Variants in ZBTB20 observed in about 807,000 individuals in gnomAD.
ZBTB20 encodes zinc finger and BTB domain containing 20, also known as zinc finger and BTB domain-containing protein 20.
In ZBTB20, 9 loss-of-function variants were observed where a neutral mutation model predicts 56.9. The observed-to-expected ratio is 0.16, with a 90% CI of 0.10 to 0.28. ZBTB20 has a LOEUF of 0.28. Among genes scored for constraint, ZBTB20 ranks in the 10% least tolerant of loss-of-function variants. The pLI, the probability that ZBTB20 is intolerant of heterozygous loss-of-function variation, is 1.00. For missense variants in ZBTB20, 655 were observed against 1,003.0 expected (o/e 0.65, Z 4.69); for synonymous variants, 417 against 420.7 (o/e 0.99, Z 0.11).
At position 115,038,379 on chromosome 3, in the gene ZBTB20, C is replaced by A. The variant is rs72943837; in HGVS notation, c.-507+32840G>T. On this transcript the variant is annotated intron_variant, in intron 2 of 11. Coordinates refer to ENST00000675478, the MANE Select transcript of ZBTB20 (RefSeq NM_001348800.3). ...TCATAGAACTCTATACAAGCACATA[C>A]AAAACAAGGTGAAAACTGACTTGGC... Among the ~76,000 whole-genome samples, 895 of 152,178 alleles carry A rather than the reference C, an allele frequency of 5.9e-3. 12 individuals carry two copies. Among genetic ancestry groups the A allele is most frequent in the African/African-American group, 0.021 (866 of 41,528 alleles).
intron 4 of ZBTB20, among the ~76,000 whole-genome samples, chr3:114,880,979 GTAC>G (rs368807223): frequency 1.7e-4 from 26 of 151,868 alleles, no homozygotes; most frequent in African/African-American, 6.3e-4. Context: ...CACTGATAGC[GTAC>G]TACTTTTAGA....
chr3:114,422,977 G>A (rs568243216), intron 7 of ZBTB20, among the ~76,000 whole-genome samples: 16 of 152,222 alleles, frequency 1.1e-4, no homozygotes, highest in African/African-American at 3.4e-4. Context: ...ACATGGAAAG[G>A]GTATTTTCCA....
chr3:115,118,274 CAG>C (rs1560586104), intron 1 of ZBTB20, among the ~76,000 whole-genome samples: 1 of 151,994 alleles, frequency 6.6e-6, no homozygotes, highest in Non-Finnish European at 1.5e-5. Context: ...AACTTAACTG[CAG>C]ACTCAAACTC....
intron 7 of ZBTB20, among the ~76,000 whole-genome samples, chr3:114,418,041 C>T (rs1267600465): frequency 2.0e-5 from 3 of 152,054 alleles, no homozygotes; most frequent in Non-Finnish European, 4.4e-5. Flanking sequence ...TCCTATCCTT[C>T]ATAAATGCAT....
At chr3:115,141,112 A>T (rs776937567) in intron 1 of ZBTB20, among the ~76,000 whole-genome samples, 13 of 152,146 alleles carry the variant, frequency 8.5e-5, no homozygotes, top group Admixed American at 2.6e-4. Flanking sequence ...TTGAAAACAG[A>T]CTGTTGGCCC....
intron 6 of ZBTB20, among the ~76,000 whole-genome samples, chr3:114,558,919 T>C (rs1447329406): frequency 6.6e-6 from 1 of 152,164 alleles, no homozygotes; most frequent in Non-Finnish European, 1.5e-5. Context: ...CTGAAATGAT[T>C]TTCCTTCACA....
At chr3:114,947,207 G>C (rs565717100) in intron 3 of ZBTB20, among the ~76,000 whole-genome samples, 2 of 146,266 alleles carry the variant, frequency 1.4e-5, no homozygotes, top group African/African-American at 5.5e-5. Context: ...TACACTGTTG[G>C]TGGGAATGTA....
chr3:114,895,861 C>T (rs768838806), intron 4 of ZBTB20, among the ~76,000 whole-genome samples: 1 of 152,110 alleles, frequency 6.6e-6, no homozygotes, highest in Non-Finnish European at 1.5e-5. Flanking sequence ...AAGCTTGAGG[C>T]TTAGTAAGCT....
intron 6 of ZBTB20, among the ~76,000 whole-genome samples, chr3:114,606,317 G>T (rs901243706): frequency 1.3e-5 from 2 of 152,046 alleles, no homozygotes; most frequent in African/African-American, 4.8e-5. Flanking sequence ...ATCAGTTGCT[G>T]CACACCCCTG....
intron 3 of ZBTB20, among the ~76,000 whole-genome samples, chr3:114,960,725 C>G (rs1252141912): frequency 6.6e-6 from 1 of 152,002 alleles, no homozygotes; most frequent in Non-Finnish European, 1.5e-5. Flanking sequence ...CAAAGATATT[C>G]AAAATTCTAG....
chr3:114,658,277 A>T (rs1048967108), intron 6 of ZBTB20: 1 of 152,228 alleles, frequency 6.6e-6, no homozygotes, highest in Non-Finnish European at 1.5e-5. Flanking sequence ...AACATGTGGT[A>T]CAGTTGTGTA....
At chr3:114,953,158 G>A (rs2077130206) in intron 3 of ZBTB20, among the ~76,000 whole-genome samples, 1 of 151,882 alleles carries the variant, frequency 6.6e-6, no homozygotes, top group Non-Finnish European at 1.5e-5. Context: ...ATTCTAAGAA[G>A]AGTATAAAAA....
intron 6 of ZBTB20, among the ~76,000 whole-genome samples, chr3:114,546,469 G>A (rs2049892813): frequency 6.6e-6 from 1 of 151,876 alleles, no homozygotes; most frequent in Admixed American, 6.6e-5. Context: ...TGCTTTACCT[G>A]TTCCTCAAGC....
intron 4 of ZBTB20, among the ~76,000 whole-genome samples, chr3:114,836,109 G>C (rs1019964295): frequency 2.0e-5 from 3 of 152,164 alleles, no homozygotes; most frequent in Non-Finnish European, 2.9e-5. Context: ...CTAATGAATA[G>C]GGCAAGACAT....
At chr3:115,005,420 C>T (rs1399056976) in intron 2 of ZBTB20, among the ~76,000 whole-genome samples, 3 of 151,352 alleles carry the variant, frequency 2.0e-5, no homozygotes, top group African/African-American at 4.8e-5. Context: ...GTTTGAAAAC[C>T]AAACAGTTTA....
chr3:115,039,915 C>A (rs1426701037), intron 2 of ZBTB20, among the ~76,000 whole-genome samples: 1 of 151,990 alleles, frequency 6.6e-6, no homozygotes, highest in Non-Finnish European at 1.5e-5. Flanking sequence ...TAATGCACTA[C>A]ACACCTGAAA....
intron 6 of ZBTB20, among the ~76,000 whole-genome samples, chr3:114,677,089 A>G (rs1401953107): frequency 6.6e-6 from 1 of 152,036 alleles, no homozygotes; most frequent in Admixed American, 6.6e-5. Context: ...GATTTTTATA[A>G]TCTCAAGTTT....
intron 6 of ZBTB20, among the ~76,000 whole-genome samples, chr3:114,601,301 C>T (rs1212086468): frequency 6.6e-6 from 1 of 152,034 alleles, no homozygotes; most frequent in Admixed American, 6.6e-5. Context: ...TTATCTCGCA[C>T]ATGGCAGCAG....
At chr3:114,511,100 T>TA (rs63221060) in intron 6 of ZBTB20, among the ~76,000 whole-genome samples, 177 of 129,332 alleles carry the variant, frequency 1.4e-3, no homozygotes, top group South Asian at 3.5e-3. Context: ...GTCCACATGC[T>TA]AAAAAAAAAA....
Sources: gnomAD v4.1 joint callset for allele counts (sites outside exome capture counted in the v4.1 genomes callset) on GRCh38, gnomAD v4.1.1 for gene constraint, MANE v1.5 for transcripts, NCBI Gene and HGNC (gene_info 2026-07-23, HGNC 2026-07-21) for gene names.